Variants in SYT14 observed in about 807,000 individuals in gnomAD.
SYT14 encodes the protein synaptotagmin-14.
SYT14 carries 32 observed loss-of-function variants against 74.2 expected under a neutral mutation model. The observed-to-expected ratio is 0.43, with a 90% CI of 0.33 to 0.58. SYT14 has a LOEUF of 0.58. SYT14 is among the 20% of genes least tolerant of loss of function. SYT14 has a pLI of 0.05. For synonymous variants in SYT14, 298 were observed against 337.7 expected, an observed-to-expected ratio of 0.88 and a Z score of 1.29; for missense variants, 791 against 981.8, an observed-to-expected ratio of 0.81 and a Z score of 2.60.
chr1:210,085,464 A>G (rs1198554825), intron 5 of SYT14, among the ~76,000 whole-genome samples: 1 of 152,142 alleles, frequency 6.6e-6, no homozygotes, highest in Admixed American at 6.5e-5. Context: ...CAGAGGTAAA[A>G]CTTTCAACAT....
At chr1:209,974,004 GTCT>G (rs2079309768) in intron 2 of SYT14, among the ~76,000 whole-genome samples, 2 of 151,672 alleles carry the variant, frequency 1.3e-5, no homozygotes, top group African/African-American at 2.4e-5. Flanking sequence ...CTGCATAAAT[GTCT>G]TCTTTTGAGA....
At chr1:209,957,165 C>T (rs766987218) in intron 2 of SYT14, among the ~76,000 whole-genome samples, 23 of 152,030 alleles carry the variant, frequency 1.5e-4, no homozygotes, top group Non-Finnish European at 3.2e-4. Flanking sequence ...TTGTTATTGC[C>T]GTTGTTAGTA....
intron 7 of SYT14, among the ~76,000 whole-genome samples, chr1:210,105,746 G>C (rs1247945302): frequency 6.6e-6 from 1 of 152,186 alleles, no homozygotes; most frequent in Non-Finnish European, 1.5e-5. Context: ...CCTGGGGGCA[G>C]ATTTCTCATG....
chr1:210,010,101 T>C (rs1044990938), intron 2 of SYT14, among the ~76,000 whole-genome samples: 53 of 152,294 alleles, frequency 3.5e-4, no homozygotes, highest in Admixed American at 7.8e-4. Context: ...TTTACCACTA[T>C]TGACTTGCTA....
At chr1:209,965,877 C>CTTTTTT (rs752741374) in intron 2 of SYT14, 3 of 406,014 alleles carry the variant, frequency 7.4e-6, no homozygotes, top group Non-Finnish European at 1.5e-5. Flanking sequence ...TTTTGAACTT[C>CTTTTTT]TTTTTTTTTT....
At chr1:210,103,507 G>A (rs566903050) in intron 7 of SYT14, among the ~76,000 whole-genome samples, 42 of 130,624 alleles carry the variant, frequency 3.2e-4, no homozygotes, top group African/African-American at 1.1e-3. Flanking sequence ...CTGAGATCAC[G>A]CCACTGCACT....
intron 5 of SYT14, among the ~76,000 whole-genome samples, chr1:210,038,666 T>G (rs1171425895): frequency 1.3e-5 from 2 of 152,132 alleles, no homozygotes; most frequent in Non-Finnish European, 2.9e-5. Flanking sequence ...CTATTCTCTT[T>G]CATTTATGAA....
chr1:210,030,564 G>A (rs1263591159), intron 5 of SYT14, among the ~76,000 whole-genome samples: 2 of 152,078 alleles, frequency 1.3e-5, no homozygotes, highest in Non-Finnish European at 2.9e-5. Context: ...TTTCACTTTG[G>A]ACACCTTTTA....
At chr1:210,103,399 A>G (rs969987324) in intron 7 of SYT14, among the ~76,000 whole-genome samples, 58 of 151,846 alleles carry the variant, frequency 3.8e-4, no homozygotes, top group African/African-American at 1.4e-3. Flanking sequence ...AAATACAAAA[A>G]ATTAGCCGGG....
At chr1:210,019,660 T>A (rs893784705) in intron 4 of SYT14, among the ~76,000 whole-genome samples, 1 of 152,200 alleles carries the variant, frequency 6.6e-6, no homozygotes, top group Non-Finnish European at 1.5e-5. Flanking sequence ...CTTCTAACTC[T>A]AAGCATTTAG....
intron 5 of SYT14, among the ~76,000 whole-genome samples, chr1:210,074,216 C>T (rs1207796735): frequency 6.6e-6 from 1 of 152,160 alleles, no homozygotes; most frequent in East Asian, 1.9e-4. Flanking sequence ...CACTATGAAG[C>T]ACTGCGCAAA....
At chr1:210,057,324 A>T (rs758186064) in intron 5 of SYT14, among the ~76,000 whole-genome samples, 2 of 152,144 alleles carry the variant, frequency 1.3e-5, no homozygotes, top group African/African-American at 2.4e-5. Context: ...ACCTTTGTTA[A>T]TATTGTACCC....
intron 2 of SYT14, among the ~76,000 whole-genome samples, chr1:209,972,786 T>A (rs2079279019): frequency 6.6e-6 from 1 of 152,136 alleles, no homozygotes; most frequent in South Asian, 2.1e-4. Context: ...TATCTTAGAG[T>A]GTGTTCTGTG....
chr1:210,154,956 C>CATTTGGTCAGTTACTGA (rs2083238874), intron 7 of SYT14, among the ~76,000 whole-genome samples: 1 of 152,096 alleles, frequency 6.6e-6, no homozygotes, highest in Non-Finnish European at 1.5e-5. Context: ...TTTGTCCACC[C>CATTTGGTCAGTTACTGA]ATTTGGTCAG....
At chr1:210,169,998 C>T (rs1434367197) in exon 10 of SYT14, 1 of 151,634 alleles carries the variant, frequency 6.6e-6, no homozygotes, top group Admixed American at 6.6e-5. Flanking sequence ...TTTTTTCAGG[C>T]AAGAAGCTTC....
intron 2 of SYT14, among the ~76,000 whole-genome samples, chr1:209,990,658 G>T (rs2079666964): frequency 6.9e-6 from 1 of 145,456 alleles, no homozygotes; most frequent in Non-Finnish European, 1.5e-5. Context: ...AAATTTAGCA[G>T]TATGCCATTT....
At position 210,167,085 on chromosome 1, in the gene SYT14, A is replaced by C. The variant is rs529378560; in HGVS notation, c.*6043A>C. On this transcript the variant is annotated 3_prime_UTR_variant, in exon 10 of 10. Coordinates refer to ENST00000637265, the Ensembl canonical transcript of SYT14. ...TATCACTGTTCAAATATTTCCTTCT[A>C]AGTTATCTTTACAATGATGGATATA... The C allele has an allele frequency of 1.2e-4, 19 of 152,256 alleles. No individual in the cohort carries two copies. In the South Asian group the frequency reaches 3.9e-3, roughly 32 times the overall value. 9.4% of individuals were successfully genotyped at this position (152,256 alleles called of 1,614,324 possible). A position where few individuals can be genotyped will look rare whatever the true frequency, so the allele number is the denominator to read the frequency against.
chr1:209,994,668 G>C (rs984169936), intron 2 of SYT14, among the ~76,000 whole-genome samples: 1 of 151,998 alleles, frequency 6.6e-6, no homozygotes. Flanking sequence ...GACAGGAACC[G>C]TCACCAAAGC....
chr1:209,996,964 C>A (rs935259583), intron 2 of SYT14, among the ~76,000 whole-genome samples: 3 of 151,872 alleles, frequency 2.0e-5, no homozygotes, highest in African/African-American at 7.3e-5. Context: ...AGGAACATAC[C>A]TCAAAATAAT....
Sources: allele counts gnomAD v4.1 joint callset (sites outside exome capture counted in the v4.1 genomes callset), GRCh38; gene constraint gnomAD v4.1.1; transcripts MANE v1.5; gene names NCBI Gene and HGNC (gene_info 2026-07-23, HGNC 2026-07-21).